Variants in CSMD1 observed in about 807,000 individuals in gnomAD.
The protein encoded by CSMD1 is CUB and Sushi multiple domains 1.
A neutral mutation model predicts 417.5 loss-of-function variants in CSMD1; 213 were observed. That is an observed-to-expected ratio of 0.51 (90% CI 0.46 to 0.57). The LOEUF (loss-of-function observed/expected upper bound fraction) is 0.57. Among genes scored for constraint, CSMD1 ranks in the 20% least tolerant of loss-of-function variants. The pLI is 0.00. For synonymous variants in CSMD1, 2,862 were observed against 1,736.8 expected, an observed-to-expected ratio of 1.65 and a Z score of -16.11; for missense variants, 6,923 against 4,529.7, an observed-to-expected ratio of 1.53 and a Z score of -15.17.
rs1051294981 is a variant in CSMD1, at chr8:4,178,119, C to A, written c.416-146020G>T. 2.0e-5 allele frequency among the ~76,000 whole-genome samples: 3 copies of A among 152,242 alleles called. No individual in the cohort carries two copies. The South Asian group carries it at 6.2e-4, about 32-fold the overall frequency. ...TCCTGATACCAAAGCCTGGCAGAGACACAACCAAAAAAGAGAATTTTAGAC... is the reference window on the plus strand; with the variant it reads ...TCCTGATACCAAAGCCTGGCAGAGAAACAACCAAAAAAGAGAATTTTAGAC... On this transcript the variant is annotated intron_variant, in intron 3 of 69. Coordinates refer to ENST00000635120, the MANE Select transcript of CSMD1 (RefSeq NM_033225.6).
chr8:4,944,203 T>C (rs893866336), intron 1 of CSMD1, among the ~76,000 whole-genome samples: 2 of 152,116 alleles, frequency 1.3e-5, no homozygotes, highest in African/African-American at 2.4e-5. Flanking sequence ...AAATTCCTAG[T>C]GTATGTAATA....
intron 7 of CSMD1, among the ~76,000 whole-genome samples, chr8:3,682,107 A>G (rs1352098620): frequency 1.3e-5 from 2 of 152,178 alleles, no homozygotes; most frequent in African/African-American, 2.4e-5. Flanking sequence ...AACCTAGGCA[A>G]TACTATTCAG....
At chr8:4,375,641 G>C (rs758989934) in intron 3 of CSMD1, among the ~76,000 whole-genome samples, 1 of 152,116 alleles carries the variant, frequency 6.6e-6, no homozygotes, top group Non-Finnish European at 1.5e-5. Context: ...CTGTGGGATG[G>C]TCGCGGCTGG....
Position 4,495,314 on chromosome 8 carries a change from G to A in CSMD1, c.303-75249C>T, listed in dbSNP as rs185036715. Among the ~76,000 whole-genome samples, 470 of 152,256 alleles carry A rather than the reference G, an allele frequency of 3.1e-3. 1 individual carries two copies. Among genetic ancestry groups the A allele is most frequent in the Non-Finnish European group, 4.1e-3 (277 of 68,010 alleles). On this transcript the variant is annotated intron_variant, in intron 2 of 69. Coordinates refer to ENST00000635120, the MANE Select transcript of CSMD1 (RefSeq NM_033225.6). ...TTCTCAGCTGGGCACGGTGGCTCAC[G>A]CCTGTAATCCCAGCACTTTGGGAGG...
chr8:4,016,588 G>C (rs1056275265), intron 4 of CSMD1, among the ~76,000 whole-genome samples: 7 of 152,140 alleles, frequency 4.6e-5, no homozygotes, highest in African/African-American at 1.2e-4. Context: ...ATCCTAAAAA[G>C]CCTTTCCCCA....
chr8:3,144,339 G>A (rs980670028), intron 40 of CSMD1, among the ~76,000 whole-genome samples: 2 of 151,924 alleles, frequency 1.3e-5, no homozygotes, highest in Non-Finnish European at 2.9e-5. Flanking sequence ...CACTCTTCTT[G>A]GAGAAAATCA....
intron 51 of CSMD1, among the ~76,000 whole-genome samples, chr8:3,024,288 G>T (rs530142329): frequency 7.3e-6 from 1 of 137,650 alleles, no homozygotes; most frequent in South Asian, 2.4e-4. Context: ...ACATTTTGAG[G>T]TTTTTTTTGG....
At chr8:3,530,160 A>T (rs1291826437) in intron 10 of CSMD1, among the ~76,000 whole-genome samples, 1 of 151,772 alleles carries the variant, frequency 6.6e-6, no homozygotes, top group African/African-American at 2.4e-5. Context: ...TGTTTTCTCT[A>T]TTCATCTCTC....
rs970981202 is a variant in CSMD1, at chr8:3,468,837, G to C, written c.1449-13C>G. ...GGATCCCGTGAGCCTGCAAGAAAGA[G>C]AAATGTCAAAGCTTTTAGGTAAGGC... On this transcript the variant is annotated splice_polypyrimidine_tract_variant and intron_variant, in intron 11 of 69. Transcript: ENST00000635120. 2.2e-5 allele frequency: 35 copies of C among 1,557,794 alleles called. No individual in the cohort carries two copies. Among genetic ancestry groups the C allele is most frequent in the Admixed American group, 7.4e-5 (4 of 54,256 alleles).
chr8:3,531,663 T>C (rs1797985622), intron 10 of CSMD1, among the ~76,000 whole-genome samples: 1 of 152,168 alleles, frequency 6.6e-6, no homozygotes, highest in Non-Finnish European at 1.5e-5. Flanking sequence ...GAACAAAAAC[T>C]ATTTATGCAG....
rs181535335 is a variant in CSMD1 at position 4,374,070 on chromosome 8, T to C, written c.415+45883A>G. Among the ~76,000 whole-genome samples the C allele has an allele frequency of 5.3e-3, 810 of 152,256 alleles. 10 individuals are homozygous for C. The highest frequency in any genetic ancestry group is 0.018 in the African/African-American group (767 of 41,556). On this transcript the variant is annotated intron_variant, in intron 3 of 69. Transcript: ENST00000635120. ...AATTGAACTTAAATAATATAATCAA[T>C]AATGAAGTGTATCATATGTGACCGA... is the stretch of plus-strand genomic sequence containing the variant.
At chr8:4,214,950 C>G (rs1056063414) in intron 3 of CSMD1, among the ~76,000 whole-genome samples, 1 of 152,120 alleles carries the variant, frequency 6.6e-6, no homozygotes, top group Non-Finnish European at 1.5e-5. Flanking sequence ...ACAAACGAAG[C>G]TCACTTCACG....
chr8:3,308,452 C>G lies in CSMD1; in HGVS notation c.3683G>C (p.Arg1228Thr), dbSNP rs199914341. The G allele has an allele frequency of 2.7e-4, 437 of 1,613,580 alleles. No homozygotes were observed. Among genetic ancestry groups the G allele is most frequent in the Non-Finnish European group, 3.4e-4 (404 of 1,179,772 alleles). ...EDPGIPNYGY[R>T]IRDEGHFTDT... ...GGTAAAGTGGCCTTCATCACGGATC[C>G]TATAGCCGTAGTTAGGGATGCCCGG... The change falls in exon 24 of 70, where the codon AGG (arginine) becomes ACG (threonine). Residue 1228 changes from arginine (R) to threonine (T), a missense_variant. Transcript: ENST00000635120.
At chr8:2,989,070 C>T (rs2128946251) in intron 54 of CSMD1, among the ~76,000 whole-genome samples, 1 of 152,284 alleles carries the variant, frequency 6.6e-6, no homozygotes, top group Non-Finnish European at 1.5e-5. Context: ...GCAAAGACAA[C>T]AGCACATTTA....
At chr8:4,667,448 AAAAG>A (rs1327320475) in intron 1 of CSMD1, among the ~76,000 whole-genome samples, 1 of 152,166 alleles carries the variant, frequency 6.6e-6, no homozygotes, top group Non-Finnish European at 1.5e-5. Flanking sequence ...TAGAAAAAAA[AAAAG>A]AAACTGATGT....
chr8:3,068,878 T>C (rs1338262970), intron 49 of CSMD1, among the ~76,000 whole-genome samples: 1 of 151,966 alleles, frequency 6.6e-6, no homozygotes, highest in African/African-American at 2.4e-5. Context: ...GGGACAAATA[T>C]CCAAACTATA....
intron 2 of CSMD1, among the ~76,000 whole-genome samples, chr8:4,620,314 T>C (rs571184195): frequency 3.7e-4 from 56 of 151,580 alleles, no homozygotes; most frequent in Non-Finnish European, 7.4e-4. Flanking sequence ...ACATATGTAT[T>C]ACACACACAT....
intron 2 of CSMD1, among the ~76,000 whole-genome samples, chr8:4,608,261 G>A (rs1049484219): frequency 6.6e-6 from 1 of 152,164 alleles, no homozygotes; most frequent in East Asian, 1.9e-4. Context: ...TGATTTCAGT[G>A]GTAAAAGTCT....
chr8:4,646,231 T>A (rs1392046384), intron 1 of CSMD1, among the ~76,000 whole-genome samples: 2 of 152,214 alleles, frequency 1.3e-5, no homozygotes, highest in Non-Finnish European at 2.9e-5. Flanking sequence ...CTTTTTATTA[T>A]ATTTATTTTT....
Sources: gnomAD v4.1 joint callset for allele counts (sites outside exome capture counted in the v4.1 genomes callset) on GRCh38, gnomAD v4.1.1 for gene constraint, MANE v1.5 for transcripts, NCBI Gene and HGNC (gene_info 2026-07-23, HGNC 2026-07-21) for gene names.